PPP1R14A: variants seen among roughly 807,000 people sequenced by gnomAD.
PPP1R14A encodes protein phosphatase 1 regulatory subunit 14A.
PPP1R14A carries 9 observed loss-of-function variants against 14.1 expected under a neutral mutation model. The observed-to-expected ratio is 0.64, with a 90% CI of 0.38 to 1.11. The LOEUF is 1.11. Among genes scored for constraint, PPP1R14A ranks in the 50% most tolerant of loss-of-function variants. PPP1R14A has a pLI of 0.01. For missense variants in PPP1R14A, 208 were observed against 200.7 expected (o/e 1.04, Z -0.22); for synonymous variants, 93 against 88.7 (o/e 1.05, Z -0.27).
In PPP1R14A at chr19:38,251,408, G is replaced by A; in HGVS notation, c.354C>T (p.Leu118=). 1 of 1,564,580 alleles carries A rather than the reference G, an allele frequency of 6.4e-7. No homozygotes were observed. The highest frequency in any genetic ancestry group is 8.6e-7 in the Non-Finnish European group (1 of 1,163,148). ...GCTGGCGGAGGCCGGGCTGCCTGTG[G>A]AGGCCTTGAAGCTTTGCCAGCAGCT... The part of the protein sequence containing the change: ...IQELLAKLQG[L]HRQPGLRQPS... Residue 118 remains leucine, a synonymous_variant, in exon 4 of 4, where the codon CTC becomes CTT. Coordinates refer to ENST00000301242, the MANE Select transcript of PPP1R14A (RefSeq NM_033256.3).
At chr19:38,255,333 T>G (rs1968234773) in intron 1 of PPP1R14A, among the ~76,000 whole-genome samples, 1 of 152,226 alleles carries the variant, frequency 6.6e-6, no homozygotes, top group African/African-American at 2.4e-5. Context: ...TTCCCCATGT[T>G]GCCCAGGCTG....
chr19:38,254,854 C>T (rs1241526465), intron 1 of PPP1R14A, among the ~76,000 whole-genome samples: 7 of 150,936 alleles, frequency 4.6e-5, no homozygotes, highest in Middle Eastern at 3.7e-3. Context: ...AGGGCAATGG[C>T]GGGATCTCGG....
chr19:38,252,880 G>T lies in PPP1R14A; in HGVS notation c.282+14C>A. On this transcript the variant is annotated intron_variant, in intron 2 of 3. Transcript: ENST00000301242. This position sits in a 1 kb window ranked among gnomAD's most constrained non-coding sequence, Gnocchi z 4.1. ...TGCAAAGTGGGAGGCTGGGGGACACGTCCCCCCACCTACCTGGATTTTCCG... is the reference window on the plus strand; with the variant it reads ...TGCAAAGTGGGAGGCTGGGGGACACTTCCCCCCACCTACCTGGATTTTCCG... 1 of 1,588,590 alleles carries T rather than the reference G, an allele frequency of 6.3e-7. No homozygotes were observed. The highest frequency in any genetic ancestry group is 8.6e-7 in the Non-Finnish European group (1 of 1,156,748).
At chr19:38,253,543 G>A (rs901020885) in intron 1 of PPP1R14A, among the ~76,000 whole-genome samples, 2 of 152,130 alleles carry the variant, frequency 1.3e-5, no homozygotes, top group Non-Finnish European at 2.9e-5. Flanking sequence ...TGGGTGGGAT[G>A]AGTCATGGCT....
intron 1 of PPP1R14A, among the ~76,000 whole-genome samples, chr19:38,254,789 T>G (rs535248416): frequency 2.0e-5 from 3 of 152,206 alleles, no homozygotes; most frequent in Admixed American, 2.0e-4. Context: ...GCTTACAGTT[T>G]TTTGTTTGTT....
In PPP1R14A at chr19:38,256,252, G is replaced by T; in HGVS notation, c.88C>A (p.Leu30Met). The change falls in exon 1 of 4, where the codon CTG becomes ATG. Residue 30 changes from leucine (L) to methionine (M), a missense_variant. Coordinates refer to ENST00000301242, the MANE Select transcript of PPP1R14A (RefSeq NM_033256.3). The surrounding 1 kb of genome is among the most constrained non-coding windows in gnomAD (Gnocchi z 5.7). Reference sequence around the variant, plus strand: ...GTGACGCGCGCGTGCCGCTTCTGCAGCCCCCCGGGACTGCCCCCTGGCCCG... The same window carrying T: ...GTGACGCGCGCGTGCCGCTTCTGCATCCCCCCGGGACTGCCCCCTGGCCCG... ...ARGPGGSPGGLQKRHARVTVK... is the reference protein window; with the variant it reads ...ARGPGGSPGGMQKRHARVTVK... The T allele has an allele frequency of 6.5e-7, 1 of 1,549,290 alleles. No individual in the cohort carries two copies.
In PPP1R14A at chr19:38,252,934, A is replaced by T; in HGVS notation, c.242T>A (p.Leu81Ter). 2 of 1,614,030 alleles carry T rather than the reference A, an allele frequency of 1.2e-6. No homozygotes were observed. The highest frequency in any genetic ancestry group is 1.7e-6 in the Non-Finnish European group (2 of 1,179,956). The change falls in exon 2 of 4, where the codon TTG becomes TAG. Residue 81 changes from leucine (L) to a stop codon, truncating the protein, a stop_gained. Transcript: ENST00000301242. LOFTEE classifies it high-confidence loss of function. This position sits in a 1 kb window ranked among gnomAD's most constrained non-coding sequence, Gnocchi z 4.1. ...MPDEINIDEL[L>*]ELESEEERSR... Reference sequence around the variant, plus strand: ...TCTCTCCTCTTCACTCTCTAACTCCAACAATTCATCAATGTTGATCTCATC... The same window carrying T: ...TCTCTCCTCTTCACTCTCTAACTCCTACAATTCATCAATGTTGATCTCATC...
In PPP1R14A at chr19:38,251,298, G is replaced by C. The variant is rs927188289; in HGVS notation, c.*20C>G. 4.1e-6 allele frequency: 6 copies of C among 1,451,302 alleles called. No homozygotes were observed. Among genetic ancestry groups the C allele is most frequent in the Non-Finnish European group, 4.5e-6 (5 of 1,110,540 alleles). 89.9% of individuals were successfully genotyped at this position (1,451,302 alleles called of 1,614,324 possible). On this transcript the variant is annotated 3_prime_UTR_variant, in exon 4 of 4. Coordinates refer to ENST00000301242, the MANE Select transcript of PPP1R14A (RefSeq NM_033256.3). ...AAGCAAGCTGGGCGGCGTCCGGGGG[G>C]CAGGGAGAGTGCAAGAGGGTCAGGG...
At chr19:38,253,269 G>A (rs1205978379) in intron 1 of PPP1R14A, 2 of 362,700 alleles carry the variant, frequency 5.5e-6, no homozygotes, top group South Asian at 3.5e-5. Flanking sequence ...TCCCACAGAG[G>A]AAAACAGGCC....
chr19:38,256,139 CA>C lies in PPP1R14A; in HGVS notation c.200del (p.Met67ArgfsTer17). 1 of 1,543,576 alleles carries C rather than the reference CA, an allele frequency of 6.5e-7. No homozygotes were observed. Among genetic ancestry groups the C allele is most frequent in the Non-Finnish European group, 8.7e-7 (1 of 1,149,888 alleles). ...DGRLEELYRG[M>X]EADMPDEINI... ...ACCCCCGAGCCCTCCCCGGGCTCAC[CA>C]TGCCGCGGTACAGCTCCTCCAGGCG... is the stretch of plus-strand genomic sequence containing the variant. On this transcript the variant is annotated frameshift_variant and splice_region_variant, in exon 1 of 4. Transcript: ENST00000301242. LOFTEE classifies it high-confidence loss of function. The surrounding 1 kb of genome is among the most constrained non-coding windows in gnomAD (Gnocchi z 5.7).
chr19:38,253,155 C>G (rs1968209758), intron 1 of PPP1R14A, 181 bp from the exon 2 acceptor site: 4 of 590,606 alleles, frequency 6.8e-6, no homozygotes, highest in Non-Finnish European at 1.2e-5. Flanking sequence ...GGAGGGGTGA[C>G]AGATGGGCTG....
chr19:38,255,648 C>CTTGTGGGT (rs1968239790), intron 1 of PPP1R14A, among the ~76,000 whole-genome samples: 1 of 143,208 alleles, frequency 7.0e-6, no homozygotes, highest in African/African-American at 2.5e-5. Context: ...CGCTTGTGTC[C>CTTGTGGGT]TTGTGGGTTT....
In PPP1R14A at chr19:38,251,239, A is replaced by G; in HGVS notation, c.*79T>C. On this transcript the variant is annotated 3_prime_UTR_variant, in exon 4 of 4. Coordinates refer to ENST00000301242, the MANE Select transcript of PPP1R14A (RefSeq NM_033256.3). ...GGAGGAAAAACAGCCACACAGTGTT[A>G]TTGTTACAGAACCATTAAATACAAC... 7.9e-7 allele frequency: 1 copy of G among 1,273,658 alleles called. No homozygotes were observed. The allele number at this position is 1,273,658 out of a possible 1,614,324, so 78.9% of individuals were successfully genotyped here.
chr19:38,251,434 C>A lies in PPP1R14A; in HGVS notation c.328G>T (p.Glu110Ter). Residue 110 changes from glutamate to a stop codon, truncating the protein, a stop_gained, in exon 4 of 4, where the codon GAG becomes TAG. Transcript: ENST00000301242. LOFTEE classifies it high-confidence loss of function. ...AGGCCTTGAAGCTTTGCCAGCAGCT[C>A]CTGGATGAAGTCCTGAGACAGGGTG... ...CGKPVEDFIQ[E>*]LLAKLQGLHR... 1 of 1,568,272 alleles carries A rather than the reference C, an allele frequency of 6.4e-7. No homozygotes were observed.
chr19:38,256,252 GCCCCCCGGGACTGC>G lies in PPP1R14A; in HGVS notation c.74_87del (p.Gly25AlafsTer13). 1 of 1,549,290 alleles carries G rather than the reference GCCCCCCGGGACTGC, an allele frequency of 6.5e-7. No homozygotes were observed. Among genetic ancestry groups the G allele is most frequent in the Non-Finnish European group, 8.7e-7 (1 of 1,152,736 alleles). Reference sequence around the variant, plus strand: ...GTGACGCGCGCGTGCCGCTTCTGCAGCCCCCCGGGACTGCCCCCTGGCCCGCGGGCCCGCGATGG... The same window carrying G: ...GTGACGCGCGCGTGCCGCTTCTGCAGCCCCTGGCCCGCGGGCCCGCGATGG... On this transcript the variant is annotated frameshift_variant, in exon 1 of 4. Coordinates refer to ENST00000301242, the MANE Select transcript of PPP1R14A (RefSeq NM_033256.3). LOFTEE classifies it high-confidence loss of function. The surrounding 1 kb of genome is among the most constrained non-coding windows in gnomAD (Gnocchi z 5.7).
Position 38,252,308 on chromosome 19 carries a change from C to CACAT in PPP1R14A, c.312_313insATGT (p.Glu105MetfsTer2). On this transcript the variant is annotated frameshift_variant, in exon 3 of 4. Transcript: ENST00000301242. LOFTEE classifies it high-confidence loss of function. The surrounding 1 kb of genome is among the most constrained non-coding windows in gnomAD (Gnocchi z 4.1). ...AGAATGAGGGAGAGAAAACTCACCT[C>CACAT]GACAGGTTTCCCACATGACTTCAGG... 1 of 1,611,986 alleles carries CACAT rather than the reference C, an allele frequency of 6.2e-7. No homozygotes were observed. The highest frequency in any genetic ancestry group is 8.5e-7 in the Non-Finnish European group (1 of 1,179,134).
intron 1 of PPP1R14A, 119 bp from the exon 2 acceptor site, chr19:38,253,093 A>T (rs1041199922): frequency 9.6e-6 from 7 of 729,210 alleles, no homozygotes; most frequent in Admixed American, 4.5e-5. Context: ...TGGAGCATTA[A>T]TGTGGCAGTC....
chr19:38,252,814 C>T lies in PPP1R14A; in HGVS notation c.282+80G>A. 3 of 1,044,040 alleles carry T rather than the reference C, an allele frequency of 2.9e-6. No individual in the cohort carries two copies. The South Asian group carries it at 3.8e-5, about 13-fold the overall frequency. 64.7% of individuals were successfully genotyped at this position (1,044,040 alleles called of 1,614,324 possible). ...ACCAGTGCCCGGCATCTAGTGAGCACTCAGTAAACACGTGAACTATTGCTA... is the reference window on the plus strand; with the variant it reads ...ACCAGTGCCCGGCATCTAGTGAGCATTCAGTAAACACGTGAACTATTGCTA... On this transcript the variant is annotated intron_variant, in intron 2 of 3. Coordinates refer to ENST00000301242, the MANE Select transcript of PPP1R14A (RefSeq NM_033256.3). The surrounding 1 kb of genome is among the most constrained non-coding windows in gnomAD (Gnocchi z 4.1).
At chr19:38,255,960 CA>C (rs1051975875) in intron 1 of PPP1R14A, among the ~76,000 whole-genome samples, 178 bp downstream of exon 1, 5 of 149,202 alleles carry the variant, frequency 3.4e-5, no homozygotes, top group Non-Finnish European at 7.5e-5. Context: ...TCCACAAGCA[CA>C]ATGCCATAGA....
Sources: gnomAD v4.1 joint callset for allele counts (sites outside exome capture counted in the v4.1 genomes callset) on GRCh38, gnomAD v4.1.1 for gene constraint, Gnocchi (gnomAD v3.1) non-coding constraint, MANE v1.5 for transcripts, NCBI Gene and HGNC (gene_info 2026-07-23, HGNC 2026-07-21) for gene names.